Variants in PLD5 observed in about 807,000 individuals in gnomAD.
PLD5 encodes the protein inactive phospholipase D5.
Under a neutral mutation model 61.1 loss-of-function variants are expected in PLD5, and 36 were observed. The ratio of observed to expected loss-of-function variants is 0.59; its 90% CI spans 0.45 to 0.78. The LOEUF (loss-of-function observed/expected upper bound fraction) is 0.78. Among genes scored for constraint, PLD5 ranks in the 30% least tolerant of loss-of-function variants. PLD5 has a pLI of 0.00. For missense variants in PLD5, 515 were observed against 644.4 expected, an observed-to-expected ratio of 0.80 and a Z score of 2.17; for synonymous variants, 243 against 242.8, an observed-to-expected ratio of 1.00 and a Z score of -0.01.
At chr1:242,387,422 T>C (rs1361758309) in intron 1 of PLD5, among the ~76,000 whole-genome samples, 9 of 152,194 alleles carry the variant, frequency 5.9e-5, no homozygotes, top group African/African-American at 2.2e-4. Context: ...GGAACAGAAC[T>C]GAGAATCTGG....
intron 6 of PLD5, among the ~76,000 whole-genome samples, chr1:242,117,665 T>C (rs2636253): frequency 0.86 from 130,744 of 152,202 alleles, 56,482 homozygotes; most frequent in African/African-American, 0.95. Flanking sequence ...AGGTATGAGC[T>C]ACCACGCCTG....
intron 1 of PLD5, among the ~76,000 whole-genome samples, chr1:242,446,528 G>A (rs561218066): frequency 2.6e-5 from 4 of 152,200 alleles, no homozygotes; most frequent in East Asian, 1.9e-4. Context: ...CTGAGATCGC[G>A]CCACTGCACT....
At chr1:242,177,783 C>G (rs1574459672) in intron 5 of PLD5, 1 of 152,188 alleles carries the variant, frequency 6.6e-6, no homozygotes, top group African/African-American at 2.4e-5. Context: ...GGCCTCCAGA[C>G]AGGGGATTTC....
chr1:242,195,174 C>T (rs553282468), intron 5 of PLD5, among the ~76,000 whole-genome samples: 14 of 152,322 alleles, frequency 9.2e-5, no homozygotes, highest in Middle Eastern at 3.4e-3. Context: ...CAGCAATATG[C>T]TTTTTAGGCA....
chr1:242,092,079 C>T (rs187390050), intron 9 of PLD5, among the ~76,000 whole-genome samples: 14 of 152,096 alleles, frequency 9.2e-5, no homozygotes, highest in Middle Eastern at 3.4e-3. Flanking sequence ...CCACCCATCT[C>T]GGCCTCCTAA....
In PLD5 at chr1:242,478,437, A is replaced by C. The variant is rs576665610; in HGVS notation, c.189+45651T>G. On this transcript the variant is annotated intron_variant, in intron 1 of 9. Coordinates refer to ENST00000536534, the MANE Select transcript of PLD5 (RefSeq NM_001372062.1). ...CACAGGAATAGGAGAGAGGTGACTG[A>C]GACCCTGGTCCTGTCACTGCGAGGG... Among the ~76,000 whole-genome samples the C allele has an allele frequency of 2.6e-5, 4 of 152,318 alleles. No homozygotes were observed. In the South Asian group the frequency reaches 8.3e-4, roughly 32 times the overall value.
rs71535380 is a variant in PLD5 at position 242,112,330 on chromosome 1, T to C, written c.1070+1560A>G. 4.9e-5 allele frequency among the ~76,000 whole-genome samples: 3 copies of C among 61,592 alleles called. No individual in the cohort carries two copies. In the Admixed American group the frequency reaches 6.0e-4, roughly 12 times the overall value. 40.4% of individuals were successfully genotyped at this position (61,592 alleles called of 152,430 possible). ...GTGTGTGTGTGTGTGTGTGTATGTA[T>C]GTATATGTGTATATATATATATAGA... On this transcript the variant is annotated intron_variant, in intron 7 of 9. Coordinates refer to ENST00000536534, the MANE Select transcript of PLD5 (RefSeq NM_001372062.1).
intron 1 of PLD5, among the ~76,000 whole-genome samples, chr1:242,385,888 G>T (rs1490154029): frequency 2.6e-5 from 4 of 152,120 alleles, no homozygotes; most frequent in African/African-American, 9.7e-5. Context: ...TTTCAAAGCT[G>T]CTGTAGTGAA....
intron 5 of PLD5, among the ~76,000 whole-genome samples, chr1:242,197,427 T>A (rs1211451830): frequency 6.6e-6 from 1 of 152,166 alleles, no homozygotes; most frequent in Admixed American, 6.5e-5. Context: ...CTGTCTCCAC[T>A]CATAGTTGGC....
intron 2 of PLD5, among the ~76,000 whole-genome samples, chr1:242,305,114 A>C (rs1483387803): frequency 6.6e-6 from 1 of 152,226 alleles, no homozygotes; most frequent in Admixed American, 6.5e-5. Context: ...TCAAAAAATA[A>C]AATAAAATAA....
At chr1:242,389,148 G>A (rs1434588203) in intron 1 of PLD5, among the ~76,000 whole-genome samples, 1 of 151,918 alleles carries the variant, frequency 6.6e-6, no homozygotes, top group South Asian at 2.1e-4. Flanking sequence ...GAGTCTGGAA[G>A]TAAGAAATTC....
intron 1 of PLD5, among the ~76,000 whole-genome samples, chr1:242,429,665 T>G (rs1186335497): frequency 6.6e-6 from 1 of 152,232 alleles, no homozygotes; most frequent in East Asian, 1.9e-4. Context: ...CTTCTTATCA[T>G]GAGTACATTC....
intron 1 of PLD5, among the ~76,000 whole-genome samples, chr1:242,441,852 G>A (rs1411559787): frequency 1.3e-5 from 2 of 152,178 alleles, no homozygotes; most frequent in Non-Finnish European, 2.9e-5. Context: ...CAATGTGGAA[G>A]ACCCAGAAAG....
rs115686303 is a variant in PLD5 at position 242,452,292 on chromosome 1, T to C, written c.189+71796A>G. ...GGATTTCTGAATAATCATCTGCCTGTTGAGTCAACCAGGATTCTAGTGATA... is the reference window on the plus strand; with the variant it reads ...GGATTTCTGAATAATCATCTGCCTGCTGAGTCAACCAGGATTCTAGTGATA... On this transcript the variant is annotated intron_variant, in intron 1 of 9. Coordinates refer to ENST00000536534, the MANE Select transcript of PLD5 (RefSeq NM_001372062.1). Among the ~76,000 whole-genome samples, 344 of 152,322 alleles carry C rather than the reference T, an allele frequency of 2.3e-3. 1 individual carries two copies. Among genetic ancestry groups the C allele is most frequent in the African/African-American group, 7.1e-3 (295 of 41,580 alleles).
At chr1:242,350,278 T>C (rs1660399879) in intron 1 of PLD5, among the ~76,000 whole-genome samples, 1 of 152,150 alleles carries the variant, frequency 6.6e-6, no homozygotes, top group Admixed American at 6.5e-5. Context: ...AAGACCAAGA[T>C]AAATTAGATA....
chr1:242,371,119 T>C (rs867217674), intron 1 of PLD5, among the ~76,000 whole-genome samples: 3 of 152,174 alleles, frequency 2.0e-5, no homozygotes, highest in Admixed American at 6.5e-5. Context: ...AAAGTTAGGA[T>C]TGACTTCGGG....
intron 1 of PLD5, among the ~76,000 whole-genome samples, chr1:242,417,930 A>G (rs1428804134): frequency 6.6e-6 from 1 of 152,178 alleles, no homozygotes; most frequent in Non-Finnish European, 1.5e-5. Context: ...CAAATGCTAA[A>G]GGAAGAACCA....
intron 1 of PLD5, among the ~76,000 whole-genome samples, chr1:242,495,252 C>T (rs1668333411): frequency 6.6e-6 from 1 of 152,146 alleles, no homozygotes; most frequent in Non-Finnish European, 1.5e-5. Context: ...CATGTGGATG[C>T]TCAAAAAATG....
chr1:242,465,508 G>A (rs1667247205), intron 1 of PLD5, among the ~76,000 whole-genome samples: 1 of 152,196 alleles, frequency 6.6e-6, no homozygotes, highest in Admixed American at 6.5e-5. Flanking sequence ...AATGGCCCAG[G>A]AGGCTCTGCA....
Sources: allele counts gnomAD v4.1 joint callset (sites outside exome capture counted in the v4.1 genomes callset), GRCh38; gene constraint gnomAD v4.1.1; transcripts MANE v1.5; gene names NCBI Gene and HGNC (gene_info 2026-07-23, HGNC 2026-07-21).